The following RALYL variants were observed in gnomAD, a reference collection of about 807,000 sequenced individuals.
The protein encoded by RALYL is RNA-binding Raly-like protein.
A neutral mutation model predicts 35.1 loss-of-function variants in RALYL; 29 were observed. The ratio of observed to expected loss-of-function variants is 0.83; its 90% CI spans 0.61 to 1.13. RALYL has a LOEUF of 1.13. RALYL is among the 50% of genes most tolerant of loss of function. The probability of loss-of-function intolerance (pLI) is 0.00; values close to 1 mark genes in which losing one functional copy is unlikely to be tolerated. For synonymous variants in RALYL, 120 were observed against 127.6 expected (o/e 0.94, Z 0.40); for missense variants, 359 against 360.4 (o/e 1.00, Z 0.03).
chr8:84,913,040 G>GATAGATAGATAGA (rs1563856643), intron 8 of RALYL, among the ~76,000 whole-genome samples: 2 of 130,142 alleles, frequency 1.5e-5, no homozygotes, highest in East Asian at 2.2e-4. Flanking sequence ...GGATAGGTAG[G>GATAGATAGATAGA]TAGATAGATA....
At chr8:84,698,277 A>AT (rs887038372) in intron 2 of RALYL, among the ~76,000 whole-genome samples, 4 of 152,132 alleles carry the variant, frequency 2.6e-5, no homozygotes, top group African/African-American at 9.6e-5. Context: ...ATAATTGTTC[A>AT]TTTTTATGAT....
chr8:84,785,021 T>G (rs1052759609), intron 3 of RALYL, among the ~76,000 whole-genome samples: 19 of 152,192 alleles, frequency 1.2e-4, no homozygotes, highest in African/African-American at 4.1e-4. Context: ...TTATGTTTAT[T>G]GTATGAAGGA....
chr8:84,546,195 G>A (rs2060345710), intron 2 of RALYL, among the ~76,000 whole-genome samples: 1 of 151,898 alleles, frequency 6.6e-6, no homozygotes, highest in African/African-American at 2.4e-5. Flanking sequence ...GCGCAATCTC[G>A]GCTTACTGCA....
At chr8:84,917,151 T>A (rs2059680) in intron 8 of RALYL, among the ~76,000 whole-genome samples, 45,879 of 151,926 alleles carry the variant, frequency 0.3, 7,466 homozygotes, top group East Asian at 0.61. Flanking sequence ...ACCCACTGAT[T>A]TGGGCATTTG....
chr8:84,311,090 A>AAAAAAAAT lies in RALYL; in HGVS notation c.-24+126667_-24+126668insAAAAAATA, dbSNP rs1554614840. 4.3e-3 allele frequency among the ~76,000 whole-genome samples: 430 copies of AAAAAAAAT among 99,746 alleles called. 45 individuals carry two copies. The highest frequency in any genetic ancestry group is 6.3e-3 in the African/African-American group (176 of 27,990). The allele number at this position is 99,746 out of a possible 152,430, so 65.4% of individuals were successfully genotyped here. A position where few individuals can be genotyped will look rare whatever the true frequency, so the allele number is the denominator to read the frequency against. On this transcript the variant is annotated intron_variant, in intron 1 of 8. Coordinates refer to ENST00000521268, the MANE Select transcript of RALYL (RefSeq NM_173848.7). ...AAAAAAAAAAAAAAAAAAAAAAAAA[A>AAAAAAAAT]ATGTATATTAATGTATAGTATAAAT...
At chr8:84,868,000 T>A (rs533964990) in intron 6 of RALYL, among the ~76,000 whole-genome samples, 36 of 152,288 alleles carry the variant, frequency 2.4e-4, no homozygotes, top group Non-Finnish European at 4.0e-4. Context: ...TTCTCTTTTT[T>A]TTGTATTTTA....
chr8:84,883,360 TG>T (rs1842463313), intron 7 of RALYL, among the ~76,000 whole-genome samples: 1 of 152,096 alleles, frequency 6.6e-6, no homozygotes, highest in Admixed American at 6.6e-5. Flanking sequence ...GTTCTCATGC[TG>T]CTAATAAAGA....
chr8:84,314,020 A>C (rs1225620989), intron 1 of RALYL, among the ~76,000 whole-genome samples: 1 of 152,192 alleles, frequency 6.6e-6, no homozygotes, highest in Non-Finnish European at 1.5e-5. Flanking sequence ...ATTGCCTCAC[A>C]GTTCTGCATG....
chr8:84,501,697 C>T (rs1433089138), intron 1 of RALYL, among the ~76,000 whole-genome samples: 1 of 151,604 alleles, frequency 6.6e-6, no homozygotes, highest in Admixed American at 6.6e-5. Flanking sequence ...TATAAATCTA[C>T]ATTTATCTGT....
intron 5 of RALYL, among the ~76,000 whole-genome samples, chr8:84,852,743 T>A (rs1836139336): frequency 1.3e-5 from 2 of 152,040 alleles, no homozygotes; most frequent in South Asian, 2.1e-4. Flanking sequence ...TTGCAAGAAG[T>A]AAGTCAGGGC....
chr8:84,584,027 A>G (rs1811428837), intron 2 of RALYL, among the ~76,000 whole-genome samples: 2 of 152,210 alleles, frequency 1.3e-5, no homozygotes, highest in Admixed American at 1.3e-4. Flanking sequence ...GTTTTGATAC[A>G]GGCATGCAGT....
Position 84,862,239 on chromosome 8 carries a change from T to C in RALYL, c.414-57T>C, listed in dbSNP as rs983842736. The stretch of plus-strand genomic sequence containing the variant: ...GACATTCTGTTCAACATTTCACATA[T>C]TTGATAGAACTCTCGGGCATCAAAC... On this transcript the variant is annotated intron_variant, in intron 5 of 8. Transcript: ENST00000521268. The C allele has an allele frequency of 4.2e-5, 57 of 1,363,074 alleles. No homozygotes were observed. The Middle Eastern group carries it at 1.5e-3, about 37-fold the overall frequency. 84.4% of individuals were successfully genotyped at this position (1,363,074 alleles called of 1,614,324 possible). A position where few individuals can be genotyped will look rare whatever the true frequency, so the allele number is the denominator to read the frequency against.
At chr8:84,765,088 C>A (rs1239972041) in intron 2 of RALYL, among the ~76,000 whole-genome samples, 3 of 152,110 alleles carry the variant, frequency 2.0e-5, no homozygotes, top group Admixed American at 2.0e-4. Context: ...ACCCACCTGG[C>A]CAGGAAATTG....
At chr8:84,684,239 G>C (rs537510365) in intron 2 of RALYL, among the ~76,000 whole-genome samples, 2 of 152,210 alleles carry the variant, frequency 1.3e-5, no homozygotes, top group East Asian at 1.9e-4. Context: ...AATAATAATA[G>C]TAATTGTCAT....
chr8:84,453,587 C>T (rs1475578837), intron 1 of RALYL, among the ~76,000 whole-genome samples: 1 of 151,792 alleles, frequency 6.6e-6, no homozygotes, highest in Non-Finnish European at 1.5e-5. Flanking sequence ...ATTGCAATCA[C>T]AGAAATATAT....
intron 2 of RALYL, among the ~76,000 whole-genome samples, chr8:84,712,035 G>C (rs1842272200): frequency 6.6e-6 from 1 of 151,940 alleles, no homozygotes; most frequent in African/African-American, 2.4e-5. Flanking sequence ...ACTATTTTTA[G>C]GCTTGATTGG....
chr8:84,220,593 T>A (rs1821961815), intron 1 of RALYL, among the ~76,000 whole-genome samples: 1 of 152,038 alleles, frequency 6.6e-6, no homozygotes, highest in African/African-American at 2.4e-5. Flanking sequence ...TCCTGATTTT[T>A]ACATCAGAAC....
chr8:84,596,176 A>G lies in RALYL; in HGVS notation c.256+66599A>G, dbSNP rs569460901. ...AAGATGTCAGGGTTTTTGGTTCTAC[A>G]TAAATATATTGACACTCAATCAAGT... On this transcript the variant is annotated intron_variant, in intron 2 of 8. Coordinates refer to ENST00000521268, the MANE Select transcript of RALYL (RefSeq NM_173848.7). 2.6e-5 allele frequency among the ~76,000 whole-genome samples: 4 copies of G among 152,272 alleles called. No homozygotes were observed. The South Asian group carries it at 8.3e-4, about 32-fold the overall frequency.
chr8:84,697,780 C>T (rs568072616), intron 2 of RALYL, among the ~76,000 whole-genome samples: 118 of 152,038 alleles, frequency 7.8e-4, no homozygotes, highest in Non-Finnish European at 1.3e-3. Flanking sequence ...TGTTTTTCCC[C>T]GCTATGTGTC....
Sources: gnomAD v4.1 joint callset for allele counts (sites outside exome capture counted in the v4.1 genomes callset) on GRCh38, gnomAD v4.1.1 for gene constraint, MANE v1.5 for transcripts, NCBI Gene and HGNC (gene_info 2026-07-23, HGNC 2026-07-21) for gene names.